GNG7: variants seen among roughly 807,000 people sequenced by gnomAD.
GNG7 encodes G protein subunit gamma 7, also known as guanine nucleotide-binding protein G(I)/G(S)/G(O) subunit gamma-7.
GNG7 carries 1 observed loss-of-function variant against 4.0 expected under a neutral mutation model. The observed-to-expected ratio is 0.25, with a 90% confidence interval of 0.09 to 1.18. GNG7 has a LOEUF of 1.18. GNG7 is among the 50% of genes most tolerant of loss of function. The pLI is 0.50. For synonymous variants in GNG7, 34 were observed against 36.9 expected (o/e 0.92, Z 0.29); for missense variants, 86 against 91.9 (o/e 0.94, Z 0.26).
At chr19:2,602,236 C>G (rs1463634289) in intron 2 of GNG7, among the ~76,000 whole-genome samples, 1 of 152,118 alleles carries the variant, frequency 6.6e-6, no homozygotes, top group African/African-American at 2.4e-5. Context: ...ACTTGGGAGG[C>G]TGAGACAGGA....
chr19:2,561,203 C>T (rs1411294458), intron 2 of GNG7, among the ~76,000 whole-genome samples: 1 of 151,874 alleles, frequency 6.6e-6, no homozygotes, highest in East Asian at 1.9e-4. Context: ...AATCCCATAA[C>T]CCAGGGGGGC....
chr19:2,702,242 T>A, intron 1 of GNG7, among the ~76,000 whole-genome samples: 1 of 92,012 alleles, frequency 1.1e-5, no homozygotes. Context: ...AACCTGGACC[T>A]GCAACTCCAG....
At chr19:2,566,089 C>T (rs1168637948) in intron 2 of GNG7, among the ~76,000 whole-genome samples, 2 of 151,942 alleles carry the variant, frequency 1.3e-5, no homozygotes, top group Admixed American at 1.3e-4. Context: ...ACCTGGGAGG[C>T]GGAGGTGGCA....
chr19:2,670,380 C>G (rs1420083433), intron 1 of GNG7, among the ~76,000 whole-genome samples: 1 of 152,224 alleles, frequency 6.6e-6, no homozygotes, highest in Non-Finnish European at 1.5e-5. Flanking sequence ...TCACCTCGAC[C>G]CCGCTGTCAC....
intron 3 of GNG7, among the ~76,000 whole-genome samples, chr19:2,540,679 TC>T (rs965404014): frequency 2.6e-5 from 4 of 152,220 alleles, no homozygotes; most frequent in East Asian, 1.9e-4. Flanking sequence ...GCCTGGCCTG[TC>T]TCTGCCGAGC....
rs148248554 is a variant in GNG7 at position 2,655,440 on chromosome 19, C to T, written c.-134-9160G>A. Among the ~76,000 whole-genome samples the T allele has an allele frequency of 2.7e-3, 407 of 152,082 alleles. 1 individual carries two copies. The highest frequency in any genetic ancestry group is 9.4e-3 in the African/African-American group (392 of 41,492). On this transcript the variant is annotated intron_variant, in intron 1 of 4. Transcript: ENST00000382159. ...AAACATTAGTAAAGATGGCCGGGTG[C>T]GGTGGCTCATATCTGTCATCCCAGC...
At chr19:2,672,964 A>T (rs1983493588) in intron 1 of GNG7, among the ~76,000 whole-genome samples, 1 of 150,810 alleles carries the variant, frequency 6.6e-6, no homozygotes, top group African/African-American at 2.4e-5. Flanking sequence ...CCTCCTCAAA[A>T]CCACTAGGTT....
chr19:2,569,769 C>G (rs1444238379), intron 2 of GNG7, among the ~76,000 whole-genome samples: 1 of 152,166 alleles, frequency 6.6e-6, no homozygotes, highest in Non-Finnish European at 1.5e-5. Flanking sequence ...CCCATCGGGA[C>G]AACCACAGAT....
At chr19:2,688,224 G>C (rs539708299) in intron 1 of GNG7, among the ~76,000 whole-genome samples, 90 of 152,370 alleles carry the variant, frequency 5.9e-4, no homozygotes, top group African/African-American at 2.1e-3. Flanking sequence ...CTGCACTCCA[G>C]CCTGGGCGAC....
At chr19:2,584,200 C>T (rs1409766101) in intron 2 of GNG7, among the ~76,000 whole-genome samples, 1 of 148,714 alleles carries the variant, frequency 6.7e-6, no homozygotes, top group Non-Finnish European at 1.5e-5. Flanking sequence ...CCTACCACTT[C>T]GGGAGGCTGA....
At chr19:2,516,751 G>A (rs150960394) in intron 4 of GNG7, among the ~76,000 whole-genome samples, 1 of 152,304 alleles carries the variant, frequency 6.6e-6, no homozygotes, top group Non-Finnish European at 1.5e-5. Flanking sequence ...CGGTGAGGAC[G>A]AGATAAGCCC....
At chr19:2,555,718 C>T (rs965115381) in intron 2 of GNG7, among the ~76,000 whole-genome samples, 1 of 152,014 alleles carries the variant, frequency 6.6e-6, no homozygotes, top group African/African-American at 2.4e-5. Flanking sequence ...CTCATGTGAG[C>T]CGCCCAGGGC....
intron 3 of GNG7, among the ~76,000 whole-genome samples, chr19:2,548,989 C>T (rs1008061080): frequency 6.6e-6 from 1 of 152,116 alleles, no homozygotes; most frequent in African/African-American, 2.4e-5. Context: ...CTGAGGCCAC[C>T]AAAGGGTTTC....
At chr19:2,624,732 C>A (rs1981973582) in intron 2 of GNG7, among the ~76,000 whole-genome samples, 1 of 144,282 alleles carries the variant, frequency 6.9e-6, no homozygotes, top group Admixed American at 6.8e-5. Context: ...GAGGCTGAGC[C>A]CAGCAGTGCC....
intron 2 of GNG7, among the ~76,000 whole-genome samples, chr19:2,567,563 C>T (rs906349642): frequency 5.3e-5 from 8 of 152,056 alleles, no homozygotes; most frequent in South Asian, 2.1e-4. Context: ...TGAGCTCAAG[C>T]GATCGTCCCA....
At position 2,655,860 on chromosome 19, in the gene GNG7, AT is replaced by A. The variant is rs1461546455; in HGVS notation, c.-134-9581del. Reference sequence around the variant, plus strand: ...TCTGAAAAAAAAAAAAAAAAAAAAAATACATATATATATAAATTAGCCAGGC... The same window carrying A: ...TCTGAAAAAAAAAAAAAAAAAAAAAAACATATATATATAAATTAGCCAGGC... On this transcript the variant is annotated intron_variant, in intron 1 of 4. Coordinates refer to ENST00000382159, the MANE Select transcript of GNG7 (RefSeq NM_052847.3). Among the ~76,000 whole-genome samples, 537 of 119,294 alleles carry A rather than the reference AT, an allele frequency of 4.5e-3. 14 individuals carry two copies. The highest frequency in any genetic ancestry group is 0.015 in the African/African-American group (445 of 29,722). 78.3% of individuals were successfully genotyped at this position (119,294 alleles called of 152,430 possible).
At chr19:2,692,254 G>C (rs1365438890) in intron 1 of GNG7, among the ~76,000 whole-genome samples, 1 of 151,692 alleles carries the variant, frequency 6.6e-6, no homozygotes, top group East Asian at 1.9e-4. Context: ...ACTCTGCCAG[G>C]ACATCTGCAT....
chr19:2,599,650 G>T (rs557017098), intron 2 of GNG7, among the ~76,000 whole-genome samples: 1 of 152,118 alleles, frequency 6.6e-6, no homozygotes, highest in Non-Finnish European at 1.5e-5. Context: ...GAAAACCGGG[G>T]GTTAGGCCGG....
intron 3 of GNG7, among the ~76,000 whole-genome samples, chr19:2,544,264 G>C (rs1371082688): frequency 1.3e-5 from 2 of 152,194 alleles, no homozygotes; most frequent in Non-Finnish European, 2.9e-5. Context: ...TGAGGAACAA[G>C]TCGCCTTCGT....
Sources: allele counts gnomAD v4.1 joint callset (sites outside exome capture counted in the v4.1 genomes callset), GRCh38; gene constraint gnomAD v4.1.1; transcripts MANE v1.5; gene names NCBI Gene and HGNC (gene_info 2026-07-23, HGNC 2026-07-21).